The following POU6F2 variants were observed in gnomAD, a reference collection of about 807,000 sequenced individuals.
The protein encoded by POU6F2 is POU domain, class 6, transcription factor 2.
Under a neutral mutation model 71.3 loss-of-function variants are expected in POU6F2, and 31 were observed. The ratio of observed to expected loss-of-function variants is 0.43; its 90% CI spans 0.33 to 0.59. The LOEUF is 0.59. Ranked by LOEUF, POU6F2 falls within the 20% of genes least tolerant of loss-of-function variation. POU6F2 has a pLI of 0.04. For synonymous variants in POU6F2, 347 were observed against 355.7 expected, an observed-to-expected ratio of 0.98 and a Z score of 0.27; for missense variants, 783 against 856.8, an observed-to-expected ratio of 0.91 and a Z score of 1.07.
chr7:39,385,468 G>A (rs1250507651), intron 5 of POU6F2, among the ~76,000 whole-genome samples: 2 of 152,178 alleles, frequency 1.3e-5, no homozygotes, highest in African/African-American at 4.8e-5. Flanking sequence ...TCAGAGGCTT[G>A]GAGGTGTGAA....
At chr7:39,214,471 C>T (rs531276647) in intron 4 of POU6F2, among the ~76,000 whole-genome samples, 13 of 152,326 alleles carry the variant, frequency 8.5e-5, no homozygotes, top group Admixed American at 5.9e-4. Flanking sequence ...TTGGGTGATG[C>T]CTACTGTAGC....
chr7:39,241,909 A>G (rs1014709811), intron 4 of POU6F2, among the ~76,000 whole-genome samples: 1 of 152,150 alleles, frequency 6.6e-6, no homozygotes, highest in African/African-American at 2.4e-5. Context: ...CTTGACCACC[A>G]GCCTGAGTGA....
intron 1 of POU6F2, among the ~76,000 whole-genome samples, chr7:39,030,433 GA>G (rs1310266625): frequency 1.4e-5 from 2 of 140,512 alleles, no homozygotes; most frequent in African/African-American, 5.2e-5. Flanking sequence ...CCTGAGATCT[GA>G]TTATTTATTA....
rs557960815 is a variant in POU6F2, at chr7:39,127,865, C to T, written c.277+41834C>T. 4.8e-3 allele frequency among the ~76,000 whole-genome samples: 511 copies of T among 106,920 alleles called. 3 individuals carry two copies. Among genetic ancestry groups the T allele is most frequent in the African/African-American group, 0.018 (493 of 27,786 alleles). 70.1% of individuals were successfully genotyped at this position (106,920 alleles called of 152,430 possible). On this transcript the variant is annotated intron_variant, in intron 2 of 9. Coordinates refer to ENST00000518318, the MANE Select transcript of POU6F2 (RefSeq NM_001370959.1). The stretch of plus-strand genomic sequence containing the variant: ...TTTTTTTTTTTTTTTTTTTTTGAGA[C>T]GGAGTCTTGCTCTGTCGCCCAGGCT...
intron 2 of POU6F2, among the ~76,000 whole-genome samples, chr7:39,133,682 A>G (rs1792333135): frequency 6.6e-6 from 1 of 152,168 alleles, no homozygotes; most frequent in Non-Finnish European, 1.5e-5. Context: ...TGTTCTCCTT[A>G]GTGTCAACCT....
chr7:39,148,376 A>G (rs946875794), intron 2 of POU6F2, among the ~76,000 whole-genome samples: 4 of 151,960 alleles, frequency 2.6e-5, no homozygotes, highest in African/African-American at 7.3e-5. Context: ...AGAGTCCCAC[A>G]TTTTTCTTCT....
chr7:39,072,805 G>T (rs538470665), intron 1 of POU6F2, among the ~76,000 whole-genome samples: 1 of 152,178 alleles, frequency 6.6e-6, no homozygotes, highest in South Asian at 2.1e-4. Flanking sequence ...AACTCCCTGC[G>T]TGGAGCGACA....
At chr7:39,351,592 AT>A (rs1463044709) in intron 5 of POU6F2, among the ~76,000 whole-genome samples, 3 of 152,158 alleles carry the variant, frequency 2.0e-5, no homozygotes, top group Non-Finnish European at 4.4e-5. Context: ...CATCTAGTTT[AT>A]AGTAGGGCTT....
At chr7:39,259,004 C>T (rs1202471243) in intron 4 of POU6F2, among the ~76,000 whole-genome samples, 2 of 152,184 alleles carry the variant, frequency 1.3e-5, no homozygotes, top group African/African-American at 2.4e-5. Context: ...AGGACAAACT[C>T]ATTCTTCACA....
At chr7:39,176,454 G>T (rs1443621802) in intron 2 of POU6F2, among the ~76,000 whole-genome samples, 1 of 152,154 alleles carries the variant, frequency 6.6e-6, no homozygotes, top group Non-Finnish European at 1.5e-5. Context: ...ATGCCCTCAT[G>T]AAGCCCCCTC....
chr7:39,298,080 A>G (rs928197358), intron 4 of POU6F2, among the ~76,000 whole-genome samples: 2 of 152,204 alleles, frequency 1.3e-5, no homozygotes, highest in African/African-American at 4.8e-5. Flanking sequence ...AACCTAGGCA[A>G]TACCATTAAG....
At chr7:39,279,416 C>G (rs531889744) in intron 4 of POU6F2, among the ~76,000 whole-genome samples, 1 of 152,334 alleles carries the variant, frequency 6.6e-6, no homozygotes, top group South Asian at 2.1e-4. Context: ...AAAATAATAA[C>G]ATCATCCCAT....
chr7:39,286,662 C>T (rs1784656243), intron 4 of POU6F2, among the ~76,000 whole-genome samples: 1 of 152,206 alleles, frequency 6.6e-6, no homozygotes, highest in Non-Finnish European at 1.5e-5. Flanking sequence ...ACTTTCATTC[C>T]TTGGCCCTAT....
intron 4 of POU6F2, among the ~76,000 whole-genome samples, chr7:39,325,311 A>C (rs1785483913): frequency 6.6e-6 from 1 of 152,206 alleles, no homozygotes; most frequent in South Asian, 2.1e-4. Flanking sequence ...TCATCTGTAA[A>C]GTGAGGAAAT....
intron 1 of POU6F2, among the ~76,000 whole-genome samples, chr7:39,030,856 C>A (rs1232797817): frequency 6.6e-6 from 1 of 150,828 alleles, no homozygotes; most frequent in Non-Finnish European, 1.5e-5. Context: ...CTCCTGCCCC[C>A]CCCAAAAAAA....
intron 8 of POU6F2, among the ~76,000 whole-genome samples, chr7:39,458,697 C>T (rs1788865555): frequency 6.6e-6 from 1 of 152,074 alleles, no homozygotes; most frequent in African/African-American, 2.4e-5. Flanking sequence ...AACAGTCAAA[C>T]CAATTTTATA....
intron 1 of POU6F2, among the ~76,000 whole-genome samples, chr7:39,024,486 A>G (rs1320920663): frequency 6.6e-6 from 1 of 152,092 alleles, no homozygotes; most frequent in Non-Finnish European, 1.5e-5. Flanking sequence ...TCCTAATTGA[A>G]TACCCTTTAT....
intron 5 of POU6F2, among the ~76,000 whole-genome samples, chr7:39,390,104 T>C (rs1039782477): frequency 1.3e-5 from 2 of 152,274 alleles, no homozygotes; most frequent in South Asian, 4.1e-4. Context: ...TTAGTGATAT[T>C]TCAATTAATA....
At chr7:39,319,825 C>T (rs1785348449) in intron 4 of POU6F2, among the ~76,000 whole-genome samples, 1 of 152,194 alleles carries the variant, frequency 6.6e-6, no homozygotes, top group Non-Finnish European at 1.5e-5. Context: ...CCTACTCCTT[C>T]AGAGAGTGGG....
Sources: allele counts gnomAD v4.1 joint callset (sites outside exome capture counted in the v4.1 genomes callset), GRCh38; gene constraint gnomAD v4.1.1; transcripts MANE v1.5; gene names NCBI Gene and HGNC (gene_info 2026-07-23, HGNC 2026-07-21).